POLG: variants seen among roughly 807,000 people sequenced by gnomAD.
POLG encodes the protein DNA polymerase subunit gamma-1.
A neutral mutation model predicts 155.4 loss-of-function variants in POLG; 110 were observed. The ratio of observed to expected loss-of-function variants is 0.71; its 90% CI spans 0.61 to 0.83. The LOEUF (loss-of-function observed/expected upper bound fraction) is 0.83, where lower values mean the gene tolerates loss of function less well. Ranked by LOEUF, POLG falls within the 40% of genes least tolerant of loss-of-function variation. The pLI is 0.00. For synonymous variants in POLG, 701 were observed against 631.5 expected, an observed-to-expected ratio of 1.11 and a Z score of -1.65; for missense variants, 1,685 against 1,627.5, an observed-to-expected ratio of 1.04 and a Z score of -0.61.
chr15:89,325,037 AGAGTGAGTGAGTGAGTGAGAGAGT>A lies in POLG; in HGVS notation c.1949+389_1949+412del, dbSNP rs1355507516. Among the ~76,000 whole-genome samples the A allele has an allele frequency of 8.2e-4, 58 of 70,866 alleles. 7 individuals are homozygous for A. Among genetic ancestry groups the A allele is most frequent in the African/African-American group, 2.7e-3 (49 of 18,070 alleles). The allele number at this position is 70,866 out of a possible 152,430, so 46.5% of individuals were successfully genotyped here. ...CATGGAAGAAAAAACCTGAACCCAG[AGAGTGAGTGAGTGAGTGAGAGAGT>A]GAGTGAGTGAGTGAGTGAGTGAGAG... is the stretch of plus-strand genomic sequence containing the variant. On this transcript the variant is annotated intron_variant, in intron 10 of 22. Coordinates refer to ENST00000268124, the MANE Select transcript of POLG (RefSeq NM_002693.3).
intron 3 of POLG, among the ~76,000 whole-genome samples, chr15:89,329,463 A>C (rs984934199): frequency 2.6e-5 from 4 of 152,040 alleles, no homozygotes; most frequent in Non-Finnish European, 4.4e-5. Flanking sequence ...CAACCCTGCC[A>C]CTCAAAAGCT....
chr15:89,325,069 T>A lies in POLG; in HGVS notation c.1949+381A>T, dbSNP rs865899406. 9.7e-3 allele frequency among the ~76,000 whole-genome samples: 841 copies of A among 86,560 alleles called. 118 individuals are homozygous for A. Among genetic ancestry groups the A allele is most frequent in the African/African-American group, 0.046 (684 of 14,864 alleles). The allele number at this position is 86,560 out of a possible 152,430, so 56.8% of individuals were successfully genotyped here. A position where few individuals can be genotyped will look rare whatever the true frequency, so the allele number is the denominator to read the frequency against. Reference sequence around the variant, plus strand: ...GTGAGTGAGTGAGAGAGTGAGTGAGTGAGTGAGTGAGTGAGAGAGTGAGTG... The same window carrying A: ...GTGAGTGAGTGAGAGAGTGAGTGAGAGAGTGAGTGAGTGAGAGAGTGAGTG... On this transcript the variant is annotated intron_variant, in intron 10 of 22. Transcript: ENST00000268124.
chr15:89,316,785 C>A lies in POLG; in HGVS notation c.3686G>T (p.Gly1229Val), dbSNP rs371454241. The change falls in exon 23 of 23, where the codon GGC becomes GTC. Residue 1229 changes from glycine to valine, a missense_variant. Around this residue, in one of 3 missense-constraint regions of POLG, gnomAD observed 470 missense variants for 439.9 expected, o/e 1.07. Coordinates refer to ENST00000268124, the MANE Select transcript of POLG (RefSeq NM_002693.3). ...AGGCTGGCTTCGTTTTTCCAAGGAG[C>A]CTTTGGTGAGTTCAATTATCTGGTA... The part of the protein sequence containing the change: ...DIYQIIELTK[G>V]SLEKRSQPGP 1.9e-6 allele frequency: 3 copies of A among 1,614,002 alleles called. No homozygotes were observed. Among genetic ancestry groups the A allele is most frequent in the Non-Finnish European group, 2.5e-6 (3 of 1,179,924 alleles).
rs952893050 is a variant in POLG at position 89,333,856 on chromosome 15, G to A, written c.-102C>T. Reference sequence around the variant, plus strand: ...GAAGACGTGGAGAGAGACACGTCCTGTCTCTGCTCTCCTGTCAGTGAAATG... The same window carrying A: ...GAAGACGTGGAGAGAGACACGTCCTATCTCTGCTCTCCTGTCAGTGAAATG... On this transcript the variant is annotated 5_prime_UTR_variant, in exon 2 of 23. An upstream open reading frame in the 5' UTR gains an earlier in-frame stop. Transcript: ENST00000268124. 1.5e-5 allele frequency: 20 copies of A among 1,352,272 alleles called. No homozygotes were observed. The highest frequency in any genetic ancestry group is 2.0e-5 in the Non-Finnish European group (20 of 982,122). The allele number at this position is 1,352,272 out of a possible 1,614,324, so 83.8% of individuals were successfully genotyped here.
rs765339802 is a variant in POLG, at chr15:89,321,782, G to T, written c.2552C>A (p.Thr851Asn). 1 of 1,614,160 alleles carries T rather than the reference G, an allele frequency of 6.2e-7. No individual in the cohort carries two copies. Among genetic ancestry groups the T allele is most frequent in the South Asian group, 1.1e-5 (1 of 91,078 alleles). The change falls in exon 16 of 23, where the codon ACT becomes AAT. Residue 851 changes from threonine (T) to asparagine (N), a missense_variant. Transcript: ENST00000268124. ...LPQVVTAGTI[T>N]RRAVEPTWLT... Reference sequence around the variant, plus strand: ...CCATGTGGGCTCCACAGCCCGGCGAGTGATGGTGCCGGCAGTCACCACTTG... The same window carrying T: ...CCATGTGGGCTCCACAGCCCGGCGATTGATGGTGCCGGCAGTCACCACTTG...
At chr15:89,325,369 C>G (rs2055500625) in intron 10 of POLG, 81 bp downstream of exon 10, 1 of 961,018 alleles carries the variant, frequency 1.0e-6, no homozygotes, top group Non-Finnish European at 1.6e-6. Flanking sequence ...AACCCAAACT[C>G]TTTCCACTAG....
At position 89,316,486 on chromosome 15, in the gene POLG, T is replaced by G; in HGVS notation, c.*265A>C. 1 of 1,593,058 alleles carries G rather than the reference T, an allele frequency of 6.3e-7. No individual in the cohort carries two copies. The highest frequency in any genetic ancestry group is 8.6e-7 in the Non-Finnish European group (1 of 1,167,782). ...TGAAATGCCTGAGTTAATGTGAACT[T>G]TGGGGCTTCTGCTTCATTTTTACCC... On this transcript the variant is annotated 3_prime_UTR_variant, in exon 23 of 23. Coordinates refer to ENST00000268124, the MANE Select transcript of POLG (RefSeq NM_002693.3).
rs116194994 is a variant in POLG at position 89,317,080 on chromosome 15, C to T, written c.3644-253G>A. Reference sequence around the variant, plus strand: ...TTTAAAGCACAGTTTGTTTTTCTGTCACCTATAGAGTGCAAGAATGCACTC... The same window carrying T: ...TTTAAAGCACAGTTTGTTTTTCTGTTACCTATAGAGTGCAAGAATGCACTC... On this transcript the variant is annotated intron_variant, in intron 22 of 22. Transcript: ENST00000268124. 9.7e-4 allele frequency: 574 copies of T among 591,252 alleles called. 5 individuals carry two copies. The highest frequency in any genetic ancestry group is 9.5e-3 in the African/African-American group (511 of 53,804). 36.6% of individuals were successfully genotyped at this position (591,252 alleles called of 1,614,324 possible).
chr15:89,323,947 G>A, intron 11 of POLG, 46 bp from the exon 12 acceptor site: 1 of 1,545,912 alleles, frequency 6.5e-7, no homozygotes. Context: ...GGACTGGGTA[G>A]GCCCCAATCC....
intron 22 of POLG, chr15:89,317,052 G>A: frequency 1.7e-6 from 1 of 592,830 alleles, no homozygotes; most frequent in Non-Finnish European, 3.0e-6. Context: ...TACTTGTTTG[G>A]TATTTAAAGC....
Position 89,321,263 on chromosome 15 carries a change from G to A in POLG, c.2599-3C>T. 6.2e-7 allele frequency: 1 copy of A among 1,613,994 alleles called. No individual in the cohort carries two copies. The highest frequency in any genetic ancestry group is 8.5e-7 in the Non-Finnish European group (1 of 1,179,924). Reference sequence around the variant, plus strand: ...AACTCACTGCCTACTCGGTCAGGCTGTGGGAAGAGTGAGATACCCAAATGA... The same window carrying A: ...AACTCACTGCCTACTCGGTCAGGCTATGGGAAGAGTGAGATACCCAAATGA... On this transcript the variant is annotated splice_polypyrimidine_tract_variant and splice_region_variant and intron_variant, in intron 16 of 22. Coordinates refer to ENST00000268124, the MANE Select transcript of POLG (RefSeq NM_002693.3).
At position 89,323,902 on chromosome 15, in the gene POLG, C is replaced by T. The variant is rs1452510022; in HGVS notation, c.2071-1G>A. 1 of 1,612,994 alleles carries T rather than the reference C, an allele frequency of 6.2e-7. No individual in the cohort carries two copies. Among genetic ancestry groups the T allele is most frequent in the African/African-American group, 1.3e-5 (1 of 74,900 alleles). On this transcript the variant is annotated splice_acceptor_variant, in intron 11 of 22. Coordinates refer to ENST00000268124, the MANE Select transcript of POLG (RefSeq NM_002693.3). LOFTEE classifies it high-confidence loss of function. ...CTTCTAAGTAATCCAGTTCTTCTAC[C>T]TGGAGCAGTCCAAGGACCAAAGTAG...
In POLG at chr15:89,328,814, C is replaced by G. The variant is rs771764339; in HGVS notation, c.1041G>C (p.Trp347Cys). ...RRGPAISSWDWLDISSVNSLA... is the reference protein window; with the variant it reads ...RRGPAISSWDCLDISSVNSLA... ...GACTGTTGACACTGCTGATGTCCAG[C>G]CAGTCCCAGGATGAGATCTGGGGAA... is the stretch of plus-strand genomic sequence containing the variant. Residue 347 changes from tryptophan (W) to cysteine (C), a missense_variant, in exon 5 of 23, where the codon TGG becomes TGC. Trp to Cys is a radical substitution (Grantham distance 215). This residue lies in a region of POLG where 1,210 missense variants were observed against 1,167.1 expected (regional missense o/e 1.04). Transcript: ENST00000268124. 1 of 1,614,124 alleles carries G rather than the reference C, an allele frequency of 6.2e-7. No individual in the cohort carries two copies. Among genetic ancestry groups the G allele is most frequent in the Non-Finnish European group, 8.5e-7 (1 of 1,180,054 alleles).
rs772229135 is a variant in POLG at position 89,328,524 on chromosome 15, C to G, written c.1182G>C (p.Gln394His). 1.2e-6 allele frequency: 2 copies of G among 1,613,870 alleles called. No homozygotes were observed. The highest frequency in any genetic ancestry group is 2.2e-5 in the South Asian group (2 of 91,078). ...TGGCCCACACGTCCTGGGCACAGTACTGCATCAGGTCCTGGCACAAGGTGA... is the reference window on the plus strand; with the variant it reads ...TGGCCCACACGTCCTGGGCACAGTAGTGCATCAGGTCCTGGCACAAGGTGA... ...DIRENFQDLMQYCAQDVWATH... is the reference protein window; with the variant it reads ...DIRENFQDLMHYCAQDVWATH... The change falls in exon 6 of 23, where the codon CAG (glutamine) becomes CAC (histidine). Residue 394 changes from glutamine (Q) to histidine (H), a missense_variant. Transcript: ENST00000268124.
At chr15:89,334,428 G>C (rs1255791972) in intron 1 of POLG, 4 of 151,688 alleles carry the variant, frequency 2.6e-5, no homozygotes, top group African/African-American at 7.3e-5. Context: ...CCGCAGGGTG[G>C]GCCGCCGTCC....
chr15:89,330,356 C>A, intron 2 of POLG, 80 bp from the exon 3 acceptor site: 11 of 1,098,346 alleles, frequency 1.0e-5, no homozygotes, highest in Non-Finnish European at 1.5e-5. Context: ...ACACCTACCG[C>A]CACATGCCAG....
At position 89,325,129 on chromosome 15, in the gene POLG, AGAGAGTGAGTGAGAGAGT is replaced by A. The variant is rs2055473852; in HGVS notation, c.1949+303_1949+320del. ...GTGAGAGAGAGTGAGTGAGTGAGTG[AGAGAGTGAGTGAGAGAGT>A]GAGTGAGTGAGTGAGTGAGTGAGAG... On this transcript the variant is annotated intron_variant, in intron 10 of 22. Coordinates refer to ENST00000268124, the MANE Select transcript of POLG (RefSeq NM_002693.3). Among the ~76,000 whole-genome samples, 5 of 69,332 alleles carry A rather than the reference AGAGAGTGAGTGAGAGAGT, an allele frequency of 7.2e-5. 1 individual carries two copies. The highest frequency in any genetic ancestry group is 1.5e-4 in the Non-Finnish European group (5 of 33,342). The allele number at this position is 69,332 out of a possible 152,430, so 45.5% of individuals were successfully genotyped here.
chr15:89,320,734 G>A (rs1277519958), intron 18 of POLG, 32 bp downstream of exon 18: 2 of 1,610,662 alleles, frequency 1.2e-6, no homozygotes, highest in Non-Finnish European at 1.7e-6. Context: ...TCGGGTCCTG[G>A]GTGTTAAAGT....
rs144175037 is a variant in POLG at position 89,329,371 on chromosome 15, T to C, written c.856-261A>G. On this transcript the variant is annotated intron_variant, in intron 3 of 22. Coordinates refer to ENST00000268124, the MANE Select transcript of POLG (RefSeq NM_002693.3). ...TGGCTCAATCCCAATGTGCAAGTCC[T>C]TCTCAGCTTCCAACAATAGCTCTGA... Among the ~76,000 whole-genome samples the C allele has an allele frequency of 2.4e-3, 373 of 152,350 alleles. 2 individuals carry two copies. The highest frequency in any genetic ancestry group is 8.7e-3 in the African/African-American group (362 of 41,568).
Sources: allele counts gnomAD v4.1 joint callset (sites outside exome capture counted in the v4.1 genomes callset), GRCh38; gene constraint gnomAD v4.1.1; regional missense constraint gnomAD v4.1.1; transcripts MANE v1.5; gene names NCBI Gene and HGNC (gene_info 2026-07-23, HGNC 2026-07-21).